DISP1: variants seen among roughly 807,000 people sequenced by gnomAD.
The protein encoded by DISP1 is protein dispatched homolog 1.
DISP1 carries 30 observed loss-of-function variants against 37.3 expected under a neutral mutation model. The ratio of observed to expected loss-of-function variants is 0.80; its 90% CI spans 0.60 to 1.09. The LOEUF (loss-of-function observed/expected upper bound fraction) is 1.09. Ranked by LOEUF, DISP1 falls within the 50% of genes least tolerant of loss-of-function variation. The pLI, the probability that DISP1 is intolerant of heterozygous loss-of-function variation, is 0.00. For synonymous variants in DISP1, 634 were observed against 690.2 expected, an observed-to-expected ratio of 0.92 and a Z score of 1.28; for missense variants, 1,598 against 1,879.5, an observed-to-expected ratio of 0.85 and a Z score of 2.77.
At chr1:222,972,623 T>C (rs906706297) in intron 3 of DISP1, among the ~76,000 whole-genome samples, 65 of 152,148 alleles carry the variant, frequency 4.3e-4, no homozygotes, top group African/African-American at 1.5e-3. Flanking sequence ...TTCCTTTTCT[T>C]TCTGTTTCTC....
At chr1:222,886,397 G>A (rs1387135460) in intron 1 of DISP1, among the ~76,000 whole-genome samples, 1 of 152,186 alleles carries the variant, frequency 6.6e-6, no homozygotes, top group Non-Finnish European at 1.5e-5. Flanking sequence ...AATGTTTATT[G>A]AGCATCTACT....
chr1:222,821,476 A>G lies in DISP1; in HGVS notation c.-159+6398A>G, dbSNP rs185153451. ...AATCTCATCTCGAATTGTAATCCCC[A>G]TGTATCAAGAGAGGGACCTGGTTGA... On this transcript the variant is annotated intron_variant, in intron 1 of 8. Coordinates refer to ENST00000675850, the MANE Select transcript of DISP1 (RefSeq NM_001377229.1). Among the ~76,000 whole-genome samples the G allele has an allele frequency of 1.4e-3, 208 of 152,276 alleles. 4 individuals carry two copies. The South Asian group carries it at 0.041, about 30-fold the overall frequency.
At chr1:222,824,313 C>T (rs1663737890) in intron 1 of DISP1, among the ~76,000 whole-genome samples, 1 of 152,102 alleles carries the variant, frequency 6.6e-6, no homozygotes. Flanking sequence ...ATATATTATT[C>T]ATTTCTTACA....
intron 1 of DISP1, among the ~76,000 whole-genome samples, chr1:222,844,897 G>T (rs899019271): frequency 6.6e-6 from 1 of 152,100 alleles, no homozygotes; most frequent in South Asian, 2.1e-4. Context: ...TGTAGACCAC[G>T]AAAGAGGTAT....
intron 1 of DISP1, among the ~76,000 whole-genome samples, chr1:222,900,460 C>T (rs1448370677): frequency 3.3e-5 from 5 of 152,124 alleles, no homozygotes; most frequent in South Asian, 2.1e-4. Context: ...GTAGTTTTGA[C>T]ATTATTGCAT....
chr1:222,931,967 C>T (rs1223488495), intron 2 of DISP1, among the ~76,000 whole-genome samples: 2 of 151,852 alleles, frequency 1.3e-5, no homozygotes, highest in African/African-American at 4.8e-5. Context: ...GGCTTTCTCT[C>T]CCCACCCTTC....
intron 1 of DISP1, among the ~76,000 whole-genome samples, chr1:222,854,640 T>C (rs1401527567): frequency 3.9e-5 from 6 of 152,158 alleles, no homozygotes; most frequent in African/African-American, 1.2e-4. Flanking sequence ...GTTTGGACAC[T>C]GATCCTTTTA....
chr1:222,830,474 A>G lies in DISP1; in HGVS notation c.-159+15396A>G, dbSNP rs544944847. On this transcript the variant is annotated intron_variant, in intron 1 of 8. Transcript: ENST00000675850. ...CGGCTCCCTGCAATCTCCACCTCCC[A>G]GGTTCAAGCGATTCTCCTTCCTCAG... Among the ~76,000 whole-genome samples, 6 of 151,594 alleles carry G rather than the reference A, an allele frequency of 4.0e-5. No individual in the cohort carries two copies. In the East Asian group the frequency reaches 9.8e-4, roughly 25 times the overall value.
intron 1 of DISP1, among the ~76,000 whole-genome samples, chr1:222,900,946 A>G (rs904661983): frequency 6.6e-6 from 1 of 152,230 alleles, no homozygotes; most frequent in Non-Finnish European, 1.5e-5. Flanking sequence ...GCATATTTGT[A>G]TGCTGTTGGG....
rs369007028 is a variant in DISP1 at position 222,992,081 on chromosome 1, A to T, written c.860A>T (p.His287Leu). 5.0e-6 allele frequency: 8 copies of T among 1,613,870 alleles called. No homozygotes were observed. Among genetic ancestry groups the T allele is most frequent in the Non-Finnish European group, 6.8e-6 (8 of 1,179,890 alleles). Residue 287 changes from histidine to leucine, a missense_variant, in exon 7 of 9, where the codon CAC (histidine) becomes CTC (leucine). Physicochemically the swap from His to Leu is moderately conservative, Grantham distance 99 (BLOSUM62 -3). Coordinates refer to ENST00000675850, the MANE Select transcript of DISP1 (RefSeq NM_001377229.1). Reference sequence around the variant, plus strand: ...AAAAGAGAAGTTGACTGGAACTTCCACAAGGACAGCTTTTTCTGCGACGTT... The same window carrying T: ...AAAAGAGAAGTTGACTGGAACTTCCTCAAGGACAGCTTTTTCTGCGACGTT... ...REKREVDWNFHKDSFFCDVPS... is the reference protein window; with the variant it reads ...REKREVDWNFLKDSFFCDVPS...
At chr1:222,827,533 T>G (rs952804940) in intron 1 of DISP1, 1 of 152,200 alleles carries the variant, frequency 6.6e-6, no homozygotes, top group Non-Finnish European at 1.5e-5. Flanking sequence ...ATAATCTTCA[T>G]GCAACAAGAT....
chr1:222,823,381 G>A (rs1325715820), intron 1 of DISP1, among the ~76,000 whole-genome samples: 3 of 152,190 alleles, frequency 2.0e-5, no homozygotes, highest in Non-Finnish European at 4.4e-5. Context: ...CATGTCTTTT[G>A]CAGCAACATA....
chr1:222,991,933 G>A, intron 6 of DISP1, 80 bp from the exon 7 acceptor site: 1 of 1,140,252 alleles, frequency 8.8e-7, no homozygotes, highest in East Asian at 2.5e-5. Flanking sequence ...ATGGCTTTGA[G>A]GAAGTAATGT....
Position 222,984,414 on chromosome 1 carries a change from A to AT in DISP1, c.539+1305_539+1306insT, listed in dbSNP as rs1405955240. Among the ~76,000 whole-genome samples the AT allele has an allele frequency of 4.4e-3, 270 of 61,224 alleles. 4 individuals carry two copies. Among genetic ancestry groups the AT allele is most frequent in the East Asian group, 0.013 (23 of 1,808 alleles). The allele number at this position is 61,224 out of a possible 152,430, so 40.2% of individuals were successfully genotyped here. A position where few individuals can be genotyped will look rare whatever the true frequency, so the allele number is the denominator to read the frequency against. ...GCCAGACTCTGTCTCAAAAAAAAAA[A>AT]AAAAAAAATATATATATATATAGAG... On this transcript the variant is annotated intron_variant, in intron 4 of 8. Coordinates refer to ENST00000675850, the MANE Select transcript of DISP1 (RefSeq NM_001377229.1).
chr1:222,993,125 C>T (rs1194218650), intron 7 of DISP1, among the ~76,000 whole-genome samples: 1 of 152,060 alleles, frequency 6.6e-6, no homozygotes, highest in East Asian at 1.9e-4. Context: ...CTTGACTTCC[C>T]AAAGTGCTGG....
At chr1:222,989,664 T>C (rs1332968579) in intron 4 of DISP1, 2 of 687,158 alleles carry the variant, frequency 2.9e-6, no homozygotes, top group African/African-American at 3.9e-5. Context: ...CAGATGTTTG[T>C]TCATTTAGTC....
At position 222,971,107 on chromosome 1, in the gene DISP1, A is replaced by G. The variant is rs370243628; in HGVS notation, c.510-11973A>G. Among the ~76,000 whole-genome samples, 32 of 152,094 alleles carry G rather than the reference A, an allele frequency of 2.1e-4. No individual in the cohort carries two copies. The South Asian group carries it at 6.0e-3, about 29-fold the overall frequency. ...ATCAGTATTATTTTTATTAACGCTG[A>G]TTGTTAGAGTTTTGCTTTGATCCTT... On this transcript the variant is annotated intron_variant, in intron 3 of 8. Coordinates refer to ENST00000675850, the MANE Select transcript of DISP1 (RefSeq NM_001377229.1).
chr1:222,825,493 G>A (rs1664113683), intron 1 of DISP1, among the ~76,000 whole-genome samples: 1 of 142,390 alleles, frequency 7.0e-6, no homozygotes, highest in Non-Finnish European at 1.5e-5. Flanking sequence ...GGAATAACCT[G>A]TTTCTCTTTT....
chr1:222,978,781 A>C (rs922640579), intron 3 of DISP1, among the ~76,000 whole-genome samples: 1 of 151,926 alleles, frequency 6.6e-6, no homozygotes, highest in African/African-American at 2.4e-5. Context: ...ATAGGGAATC[A>C]TTTCCCCATT....
Sources: gnomAD v4.1 joint callset for allele counts (sites outside exome capture counted in the v4.1 genomes callset) on GRCh38, gnomAD v4.1.1 for gene constraint, MANE v1.5 for transcripts, NCBI Gene and HGNC (gene_info 2026-07-23, HGNC 2026-07-21) for gene names.